Variants in MARCHF1 observed in about 807,000 individuals in gnomAD.
MARCHF1 encodes the protein membrane associated ring-CH-type finger 1.
Under a neutral mutation model 54.2 loss-of-function variants are expected in MARCHF1, and 40 were observed. That is an observed-to-expected ratio of 0.74 (90% CI 0.57 to 0.96). The LOEUF (loss-of-function observed/expected upper bound fraction) is 0.96. MARCHF1 is among the 40% of genes least tolerant of loss of function. MARCHF1 has a pLI of 0.00. For synonymous variants in MARCHF1, 236 were observed against 236.3 expected (o/e 1.00, Z 0.01); for missense variants, 586 against 656.5 (o/e 0.89, Z 1.17).
intron 1 of MARCHF1, among the ~76,000 whole-genome samples, chr4:164,194,596 CATCTT>C (rs1731204382): frequency 6.6e-6 from 1 of 152,024 alleles, no homozygotes; most frequent in African/African-American, 2.4e-5. Flanking sequence ...TGTATGCTGT[CATCTT>C]ATAATAAAAT....
At chr4:164,099,258 T>A (rs17044477) in intron 2 of MARCHF1, among the ~76,000 whole-genome samples, 21,110 of 152,174 alleles carry the variant, frequency 0.14, 2,352 homozygotes, top group African/African-American at 0.32. Context: ...TTATGTACAA[T>A]CGTGCTACCA....
intron 1 of MARCHF1, among the ~76,000 whole-genome samples, chr4:164,314,503 T>C (rs1734947706): frequency 6.6e-6 from 1 of 152,170 alleles, no homozygotes; most frequent in South Asian, 2.1e-4. Context: ...ATATCACCTT[T>C]ACCACAGGCA....
At chr4:163,657,561 T>G (rs1420353197) in intron 5 of MARCHF1, among the ~76,000 whole-genome samples, 2 of 152,076 alleles carry the variant, frequency 1.3e-5, no homozygotes, top group African/African-American at 4.8e-5. Flanking sequence ...AAAAAGCTAC[T>G]TTAAAATTCA....
chr4:163,620,604 CACAG>C (rs1165830569), intron 5 of MARCHF1, among the ~76,000 whole-genome samples: 998 of 49,588 alleles, frequency 0.02, 5 homozygotes, highest in Non-Finnish European at 0.024. Flanking sequence ...CACACACACA[CACAG>C]AGAGAGAGAG....
intron 1 of MARCHF1, among the ~76,000 whole-genome samples, chr4:164,170,267 T>C (rs1433947706): frequency 2.0e-5 from 3 of 152,146 alleles, no homozygotes; most frequent in Non-Finnish European, 2.9e-5. Flanking sequence ...CACAGAGCTT[T>C]AGCATATTTT....
chr4:163,957,207 C>A (rs934791608), intron 3 of MARCHF1, among the ~76,000 whole-genome samples: 5 of 151,932 alleles, frequency 3.3e-5, no homozygotes, highest in African/African-American at 1.2e-4. Flanking sequence ...ATACTACATT[C>A]TAAATCATGC....
chr4:164,065,045 G>A lies in MARCHF1; in HGVS notation c.-248+46543C>T, dbSNP rs376320047. On this transcript the variant is annotated intron_variant, in intron 2 of 9. Transcript: ENST00000514618. ...AGCTTTTTGATGTGTTGCTGGATTC[G>A]GTTTGCCAGTATTTTGCTGAGTATT... Among the ~76,000 whole-genome samples the A allele has an allele frequency of 3.5e-4, 53 of 152,166 alleles. 1 individual carries two copies. In the South Asian group the frequency reaches 9.8e-3, roughly 28 times the overall value.
intron 2 of MARCHF1, among the ~76,000 whole-genome samples, chr4:164,108,118 A>G (rs1044255225): frequency 6.6e-6 from 1 of 151,888 alleles, no homozygotes. Context: ...GTCTTTTGTG[A>G]CTATCTCTGA....
intron 1 of MARCHF1, among the ~76,000 whole-genome samples, chr4:164,299,499 T>C (rs1734495751): frequency 6.6e-6 from 1 of 152,178 alleles, no homozygotes; most frequent in African/African-American, 2.4e-5. Flanking sequence ...ATGAATCAAG[T>C]AATCAAAAGT....
intron 2 of MARCHF1, among the ~76,000 whole-genome samples, chr4:164,036,372 G>A (rs986406818): frequency 2.0e-5 from 3 of 152,062 alleles, no homozygotes; most frequent in Non-Finnish European, 2.9e-5. Flanking sequence ...GCTGCTAGGA[G>A]TATCAGATAA....
intron 4 of MARCHF1, among the ~76,000 whole-genome samples, chr4:163,703,395 T>C (rs1458065514): frequency 2.0e-5 from 3 of 152,150 alleles, no homozygotes; most frequent in Admixed American, 6.6e-5. Flanking sequence ...TTTCCTCTCT[T>C]GGAAAACGTC....
chr4:164,051,252 TTAG>T (rs1234993673), intron 2 of MARCHF1, among the ~76,000 whole-genome samples: 22 of 152,196 alleles, frequency 1.4e-4, no homozygotes, highest in African/African-American at 5.3e-4. Flanking sequence ...TAAATATCTG[TTAG>T]TAGAATTATA....
intron 3 of MARCHF1, among the ~76,000 whole-genome samples, chr4:163,903,861 C>T (rs1579380481): frequency 6.6e-6 from 1 of 152,246 alleles, no homozygotes; most frequent in African/African-American, 2.4e-5. Flanking sequence ...AGTGAGCTGC[C>T]TGCCTTGGCC....
intron 1 of MARCHF1, among the ~76,000 whole-genome samples, chr4:164,202,789 A>G (rs987590684): frequency 5.3e-5 from 8 of 152,224 alleles, no homozygotes; most frequent in Non-Finnish European, 1.0e-4. Context: ...TTCATAAAAC[A>G]TAAAAGCATC....
intron 1 of MARCHF1, among the ~76,000 whole-genome samples, chr4:164,179,568 C>T (rs1450425541): frequency 6.6e-6 from 1 of 151,860 alleles, no homozygotes; most frequent in African/African-American, 2.4e-5. Context: ...TGTAATAAAC[C>T]TCCCTTCAAA....
intron 5 of MARCHF1, among the ~76,000 whole-genome samples, chr4:163,700,524 AGAAAGAAGGAAGGAAGGAAGGAAG>A (rs1470537222): frequency 3.2e-5 from 4 of 124,920 alleles, no homozygotes; most frequent in African/African-American, 2.9e-5. Flanking sequence ...ATAGAAAGAA[AGAAAGAAGGAAGGAAGGAAGGAAG>A]GAAGGAAGGA....
chr4:163,940,624 G>A (rs748127464), intron 3 of MARCHF1, among the ~76,000 whole-genome samples: 8 of 152,080 alleles, frequency 5.3e-5, no homozygotes, highest in African/African-American at 1.9e-4. Flanking sequence ...GTTCATAGAC[G>A]ACACAAATCA....
At chr4:164,075,892 G>C (rs1461170070) in intron 2 of MARCHF1, among the ~76,000 whole-genome samples, 1 of 152,082 alleles carries the variant, frequency 6.6e-6, no homozygotes, top group African/African-American at 2.4e-5. Flanking sequence ...GAGCCTATAA[G>C]AAAAAGTTAC....
chr4:163,696,675 C>G (rs963650495), intron 5 of MARCHF1, among the ~76,000 whole-genome samples: 2 of 152,100 alleles, frequency 1.3e-5, no homozygotes, highest in Non-Finnish European at 2.9e-5. Context: ...TAACTTCTTC[C>G]TTATGATCTA....
Sources: gnomAD v4.1 joint callset for allele counts (sites outside exome capture counted in the v4.1 genomes callset) on GRCh38, gnomAD v4.1.1 for gene constraint, MANE v1.5 for transcripts, NCBI Gene and HGNC (gene_info 2026-07-23, HGNC 2026-07-21) for gene names.